The following ARRDC5 variants were observed in gnomAD, a reference collection of about 807,000 sequenced individuals.
ARRDC5 encodes the protein arrestin domain containing 5.
In ARRDC5, 12 loss-of-function variants were observed where a neutral mutation model predicts 13.3. The ratio of observed to expected loss-of-function variants is 0.90; its 90% confidence interval spans 0.58 to 1.46. The LOEUF is 1.46. Ranked by LOEUF, ARRDC5 falls within the 40% of genes most tolerant of loss-of-function variation. ARRDC5 has a pLI of 0.00. For missense variants in ARRDC5, 406 were observed against 418.7 expected (o/e 0.97, Z 0.26); for synonymous variants, 181 against 173.4 (o/e 1.04, Z -0.34).
intron 1 of ARRDC5, among the ~76,000 whole-genome samples, chr19:4,898,308 C>G (rs1036356261): frequency 1.3e-5 from 2 of 152,226 alleles, no homozygotes; most frequent in East Asian, 3.9e-4. Flanking sequence ...TTAGCATTTT[C>G]TATCTTCTCT....
intron 1 of ARRDC5, among the ~76,000 whole-genome samples, chr19:4,901,821 T>A (rs2031925785): frequency 2.0e-5 from 3 of 152,028 alleles, no homozygotes; most frequent in Admixed American, 2.0e-4. Context: ...AGATTTCAGA[T>A]CTGACCTGGT....
rs960919055 is a variant in ARRDC5 at position 4,891,374 on chromosome 19, C to T, written c.659G>A (p.Gly220Asp). Residue 220 changes from glycine (G) to aspartate (D), a missense_variant, in exon 3 of 3, where the codon GGC (glycine) becomes GAC (aspartate). Physicochemically the swap from Gly to Asp is moderately conservative, Grantham distance 94 (BLOSUM62 -1). Transcript: ENST00000650722. ...FALYAHIQYEGFTPSAERRSR... is the reference protein window; with the variant it reads ...FALYAHIQYEDFTPSAERRSR... ...CCGCCGCTCTGCACTGGGCGTGAAG[C>T]CCTCGTACTGTATGTGGGCATACAG... is the stretch of plus-strand genomic sequence containing the variant. 21 of 1,613,478 alleles carry T rather than the reference C, an allele frequency of 1.3e-5. No homozygotes were observed. The highest frequency in any genetic ancestry group is 1.6e-5 in the Non-Finnish European group (19 of 1,179,898).
chr19:4,910,882 C>T, the ARRDC5 span: 2 of 1,607,816 alleles, frequency 1.2e-6, no homozygotes, highest in African/African-American at 1.3e-5. Context: ...TCAGCGCCGA[C>T]ACCATGTGGA....
At chr19:4,896,614 C>T in intron 2 of ARRDC5, 57 bp downstream of exon 2, 1 of 1,382,810 alleles carries the variant, frequency 7.2e-7, no homozygotes, top group Non-Finnish European at 1.0e-6. Context: ...CCCACCTTCC[C>T]TCTTCCTCCT....
intron 2 of ARRDC5, among the ~76,000 whole-genome samples, chr19:4,896,329 A>AT (rs1555740918): frequency 0.039 from 2,883 of 73,144 alleles, 170 homozygotes; most frequent in Non-Finnish European, 0.048. Flanking sequence ...AAAAAAAAAA[A>AT]ATATATATAT....
chr19:4,914,584 G>A, the ARRDC5 span, among the ~76,000 whole-genome samples: 4 of 152,014 alleles, frequency 2.6e-5, no homozygotes, highest in Non-Finnish European at 4.4e-5. Flanking sequence ...GGAGCTGATC[G>A]AGGGCAGTGA....
chr19:4,904,247 C>T (rs923517225), upstream of ARRDC5, among the ~76,000 whole-genome samples: 4 of 152,002 alleles, frequency 2.6e-5, no homozygotes, highest in African/African-American at 9.7e-5. Context: ...GGTGCGATCT[C>T]GGCTCACTGC....
chr19:4,912,635 A>G, the ARRDC5 span, among the ~76,000 whole-genome samples: 2 of 152,134 alleles, frequency 1.3e-5, no homozygotes, highest in Non-Finnish European at 2.9e-5. Context: ...CTGCCCGCCA[A>G]TCCATCTTTT....
Position 4,902,805 on chromosome 19 carries a change from G to C in ARRDC5, c.21C>G (p.Ile7Met), listed in dbSNP as rs748983966. Residue 7 changes from isoleucine to methionine, a missense_variant, in exon 1 of 3, where the codon ATC (isoleucine) becomes ATG (methionine). Ile to Met is a conservative substitution (Grantham distance 10). Coordinates refer to ENST00000650722, the MANE Select transcript of ARRDC5 (RefSeq NM_001080523.3). The stretch of plus-strand genomic sequence containing the variant: ...TTCTATCCTCGGGCAGCACTAATTC[G>C]ATCGACTTCACCACAGACATGGGGG... MSVVKS[I>M]ELVLPEDRIY... The C allele has an allele frequency of 6.2e-7, 1 of 1,613,838 alleles. No individual in the cohort carries two copies. The highest frequency in any genetic ancestry group is 1.1e-5 in the South Asian group (1 of 91,066).
intron 2 of ARRDC5, 138 bp from the exon 3 acceptor site, chr19:4,891,711 C>G: frequency 1.4e-6 from 1 of 726,450 alleles, no homozygotes; most frequent in Non-Finnish European, 2.2e-6. Context: ...AATCCCAACA[C>G]CTTGGGAGGC....
the ARRDC5 span, chr19:4,909,408 G>A: frequency 1.5e-6 from 1 of 650,662 alleles, no homozygotes; most frequent in Non-Finnish European, 2.8e-6. Flanking sequence ...TCCCGCCACT[G>A]CGTCGGCCAA....
chr19:4,890,972 G>C lies in ARRDC5; in HGVS notation c.*74C>G. ...TGCCCACTCCTCGACTCCTCTGAGA[G>C]TCACCTGTGCAAGAGAGAGGGCTTC... On this transcript the variant is annotated 3_prime_UTR_variant, in exon 3 of 3. Coordinates refer to ENST00000650722, the MANE Select transcript of ARRDC5 (RefSeq NM_001080523.3). 1 of 1,318,644 alleles carries C rather than the reference G, an allele frequency of 7.6e-7. No homozygotes were observed. The highest frequency in any genetic ancestry group is 1.5e-5 in the South Asian group (1 of 68,858). 81.7% of individuals were successfully genotyped at this position (1,318,644 alleles called of 1,614,324 possible). A position where few individuals can be genotyped will look rare whatever the true frequency, so the allele number is the denominator to read the frequency against.
upstream of ARRDC5, among the ~76,000 whole-genome samples, chr19:4,904,318 A>G (rs2032017094): frequency 6.6e-6 from 1 of 152,094 alleles, no homozygotes; most frequent in African/African-American, 2.4e-5. Flanking sequence ...AGCTGGGACT[A>G]CAGGCGTCCG....
At chr19:4,896,360 T>TACA (rs1568396021) in intron 2 of ARRDC5, among the ~76,000 whole-genome samples, 228 of 70,246 alleles carry the variant, frequency 3.2e-3, no homozygotes, top group African/African-American at 0.011. Flanking sequence ...TTTTTTTTTT[T>TACA]TACACACACA....
At chr19:4,906,610 G>A (rs1402576022), upstream of ARRDC5, among the ~76,000 whole-genome samples, 6 of 152,004 alleles carry the variant, frequency 3.9e-5, no homozygotes, top group East Asian at 5.8e-4. Context: ...AAAATTAGCC[G>A]GACATGGTGG....
In ARRDC5 at chr19:4,902,664, T is replaced by C. The variant is rs1310626393; in HGVS notation, c.162A>G (p.Glu54=). 6.2e-7 allele frequency: 1 copy of C among 1,613,932 alleles called. No individual in the cohort carries two copies. Among genetic ancestry groups the C allele is most frequent in the African/African-American group, 1.3e-5 (1 of 74,946 alleles). The change falls in exon 1 of 3, where the codon GAA becomes GAG. Residue 54 remains glutamate (E), a synonymous_variant. Transcript: ENST00000650722. ...LVGRGYVEWS[E]EAGASCDYSR... ...TATAATCACAGGATGCCCCGGCTTCTTCACTCCATTCGACGTAACCCCTTC... is the reference window on the plus strand; with the variant it reads ...TATAATCACAGGATGCCCCGGCTTCCTCACTCCATTCGACGTAACCCCTTC...
intron 2 of ARRDC5, among the ~76,000 whole-genome samples, chr19:4,893,659 A>AT (rs1481421387): frequency 7.0e-6 from 1 of 141,990 alleles, no homozygotes; most frequent in African/African-American, 2.6e-5. Context: ...GGGGAGGCCA[A>AT]GGGGGGAGGA....
the ARRDC5 span, chr19:4,909,801 C>T: frequency 2.3e-6 from 1 of 444,060 alleles, no homozygotes; most frequent in Non-Finnish European, 4.0e-6. Flanking sequence ...TTCCACCTAA[C>T]CCTCGGGAAT....
chr19:4,915,690 A>G, the ARRDC5 span, among the ~76,000 whole-genome samples: 1 of 152,150 alleles, frequency 6.6e-6, no homozygotes, highest in East Asian at 1.9e-4. Context: ...AGCCTGGGCG[A>G]CAGAGCAAGA....
Sources: allele counts gnomAD v4.1 joint callset (sites outside exome capture counted in the v4.1 genomes callset), GRCh38; gene constraint gnomAD v4.1.1; transcripts MANE v1.5; gene names NCBI Gene and HGNC (gene_info 2026-07-23, HGNC 2026-07-21).